TRIO: variants seen among roughly 807,000 people sequenced by gnomAD.
The protein encoded by TRIO is trio Rho guanine nucleotide exchange factor.
A neutral mutation model predicts 351.9 loss-of-function variants in TRIO; 58 were observed. The ratio of observed to expected loss-of-function variants is 0.16; its 90% CI spans 0.13 to 0.21. TRIO has a LOEUF of 0.21. TRIO is among the 10% of genes least tolerant of loss of function. The probability of loss-of-function intolerance (pLI) is 1.00; values close to 1 mark genes in which losing one functional copy is unlikely to be tolerated. For missense variants in TRIO, 3,201 were observed against 4,027.8 expected (o/e 0.79, Z 5.56); for synonymous variants, 1,758 against 1,595.7 (o/e 1.10, Z -2.42).
rs747084220 is a variant in TRIO at position 14,488,082 on chromosome 5, T to G, written c.7454T>G (p.Phe2485Cys). Reference protein sequence around the residue: ...PSSPLQKGGSFWSSIPASPAS... With the variant: ...PSSPLQKGGSCWSSIPASPAS... ...AGCCCCCTGCAGAAGGGGGGCTCCT[T>G]CTGGAGCTCCATCCCCGCCTCCCCC... The change falls in exon 48 of 57, where the codon TTC (phenylalanine) becomes TGC (cysteine). Residue 2485 changes from phenylalanine to cysteine, a missense_variant. By Grantham distance (205) the Phe-to-Cys change is radical. Around this residue, in one of 19 missense-constraint regions of TRIO, gnomAD observed 1,089 missense variants for 954.9 expected, o/e 1.14. Transcript: ENST00000344204. 1 of 1,609,450 alleles carries G rather than the reference T, an allele frequency of 6.2e-7. No individual in the cohort carries two copies. Among genetic ancestry groups the G allele is most frequent in the South Asian group, 1.1e-5 (1 of 90,834 alleles).
At chr5:14,147,631 CCT>C (rs1200049800) in intron 1 of TRIO, among the ~76,000 whole-genome samples, 41 of 152,300 alleles carry the variant, frequency 2.7e-4, no homozygotes, top group African/African-American at 9.6e-4. Context: ...TCCTGCAGCC[CCT>C]GTCTTTCCAG....
intron 8 of TRIO, among the ~76,000 whole-genome samples, chr5:14,313,446 C>T (rs989436861): frequency 1.3e-5 from 2 of 152,184 alleles, no homozygotes; most frequent in South Asian, 4.1e-4. Context: ...TAGAGTACTC[C>T]ATTCTCAGTA....
intron 33 of TRIO, among the ~76,000 whole-genome samples, chr5:14,414,165 G>A (rs149531164): frequency 1.3e-5 from 2 of 152,102 alleles, no homozygotes; most frequent in African/African-American, 2.4e-5. Flanking sequence ...CCTCTTCCCC[G>A]CCCTCGTTCC....
At chr5:14,257,101 G>A (rs1194652740) in intron 1 of TRIO, among the ~76,000 whole-genome samples, 4 of 152,202 alleles carry the variant, frequency 2.6e-5, no homozygotes, top group Admixed American at 2.6e-4. Context: ...TGAAAAGGGA[G>A]CCCAAAGGTG....
At chr5:14,260,649 C>CTGATGTTTGTTTG (rs1795290709) in intron 1 of TRIO, among the ~76,000 whole-genome samples, 2 of 152,224 alleles carry the variant, frequency 1.3e-5, no homozygotes, top group African/African-American at 4.8e-5. Context: ...GTTAAAAATT[C>CTGATGTTTGTTTG]TGATGTTTGT....
chr5:14,353,398 G>T (rs1043920429), intron 11 of TRIO, among the ~76,000 whole-genome samples: 2 of 151,784 alleles, frequency 1.3e-5, no homozygotes, highest in African/African-American at 4.8e-5. Context: ...AAGTAGCTGG[G>T]ACTACATGTG....
chr5:14,315,605 A>G (rs572620045), intron 8 of TRIO, among the ~76,000 whole-genome samples: 1 of 152,248 alleles, frequency 6.6e-6, no homozygotes, highest in African/African-American at 2.4e-5. Context: ...AAGCTGAAGG[A>G]TCATGTGAAG....
intron 1 of TRIO, among the ~76,000 whole-genome samples, chr5:14,212,860 C>T (rs1200783692): frequency 6.6e-6 from 1 of 152,098 alleles, no homozygotes; most frequent in African/African-American, 2.4e-5. Context: ...AGTACTCATA[C>T]TTGTTCATTT....
chr5:14,236,979 C>T (rs1226366102), intron 1 of TRIO, among the ~76,000 whole-genome samples: 1 of 152,186 alleles, frequency 6.6e-6, no homozygotes, highest in Non-Finnish European at 1.5e-5. Flanking sequence ...CTGTTACACT[C>T]TGTGATAACC....
intron 1 of TRIO, among the ~76,000 whole-genome samples, chr5:14,268,492 G>A (rs1429273721): frequency 2.0e-5 from 3 of 152,198 alleles, no homozygotes; most frequent in African/African-American, 7.2e-5. Context: ...TCGGAGCCAG[G>A]GCTGCAGTTG....
chr5:14,505,383 C>T (rs754319270), intron 55 of TRIO, among the ~76,000 whole-genome samples: 7 of 152,212 alleles, frequency 4.6e-5, no homozygotes, highest in Non-Finnish European at 8.8e-5. Flanking sequence ...AATGTCGATT[C>T]CTCCTTTTTA....
In TRIO at chr5:14,330,918, A is replaced by G. The variant is rs1487225984; in HGVS notation, c.1854+18A>G. 1.2e-6 allele frequency: 2 copies of G among 1,613,446 alleles called. No homozygotes were observed. The highest frequency in any genetic ancestry group is 2.2e-5 in the East Asian group (1 of 44,870). On this transcript the variant is annotated intron_variant, in intron 10 of 56. Coordinates refer to ENST00000344204, the MANE Select transcript of TRIO (RefSeq NM_007118.4). ...TGGCACAGGTAAAACAATGGCTTCT[A>G]TTATTTTATCCCATAAATACCCGTG...
intron 34 of TRIO, among the ~76,000 whole-genome samples, chr5:14,424,602 A>G (rs971234428): frequency 2.6e-5 from 4 of 152,180 alleles, no homozygotes; most frequent in Non-Finnish European, 4.4e-5. Flanking sequence ...ATCTGTGCCA[A>G]AAACAGTCCC....
chr5:14,476,834 A>G, intron 40 of TRIO, 60 bp from the exon 41 acceptor site: 1 of 1,416,602 alleles, frequency 7.1e-7, no homozygotes, highest in Non-Finnish European at 9.7e-7. Flanking sequence ...ATGTAAACCT[A>G]AATCTAAAAT....
At chr5:14,317,424 T>C (rs1314672415) in intron 9 of TRIO, among the ~76,000 whole-genome samples, 3 of 152,158 alleles carry the variant, frequency 2.0e-5, no homozygotes, top group Non-Finnish European at 4.4e-5. Flanking sequence ...GAATGAGGTG[T>C]CACCTCTGGG....
intron 1 of TRIO, among the ~76,000 whole-genome samples, chr5:14,239,230 A>G (rs1793981485): frequency 3.9e-5 from 6 of 152,116 alleles, no homozygotes; most frequent in Admixed American, 3.9e-4. Context: ...GAAGTCTAAA[A>G]ATTATTTCTA....
At chr5:14,289,745 G>C (rs1352371702) in intron 4 of TRIO, among the ~76,000 whole-genome samples, 1 of 152,052 alleles carries the variant, frequency 6.6e-6, no homozygotes, top group Admixed American at 6.6e-5. Flanking sequence ...AGCTACTCGG[G>C]AGGCTGAGGC....
chr5:14,240,041 T>C (rs1418018058), intron 1 of TRIO, among the ~76,000 whole-genome samples: 1 of 152,248 alleles, frequency 6.6e-6, no homozygotes, highest in Non-Finnish European at 1.5e-5. Flanking sequence ...TCAGCGGTTC[T>C]TTCCTAAATT....
chr5:14,270,690 G>A, intron 1 of TRIO, 135 bp from the exon 2 acceptor site: 1 of 695,106 alleles, frequency 1.4e-6, no homozygotes, highest in South Asian at 1.6e-5. Context: ...TTTAAATGTT[G>A]TGCTATGATC....
Sources: allele counts gnomAD v4.1 joint callset (sites outside exome capture counted in the v4.1 genomes callset), GRCh38; gene constraint gnomAD v4.1.1; regional missense constraint gnomAD v4.1.1; transcripts MANE v1.5; gene names NCBI Gene and HGNC (gene_info 2026-07-23, HGNC 2026-07-21).